The following ASPH variants were observed in gnomAD, a reference collection of about 807,000 sequenced individuals.
ASPH encodes aspartyl/asparaginyl beta-hydroxylase.
ASPH carries 100 observed loss-of-function variants against 118.4 expected under a neutral mutation model. The ratio of observed to expected loss-of-function variants is 0.84; its 90% CI spans 0.72 to 1.00. The LOEUF is 1.00. Ranked by LOEUF, ASPH falls within the 50% of genes least tolerant of loss-of-function variation. ASPH has a pLI of 0.00. For missense variants in ASPH, 920 were observed against 919.5 expected, an observed-to-expected ratio of 1.00 and a Z score of -0.01; for synonymous variants, 315 against 325.6, an observed-to-expected ratio of 0.97 and a Z score of 0.35.
intron 15 of ASPH, chr8:61,579,785 T>C: frequency 5.3e-6 from 4 of 755,978 alleles, no homozygotes; most frequent in Non-Finnish European, 9.4e-6. Context: ...GGCTCAGCCC[T>C]AGCCCTCAGC....
intron 14 of ASPH, among the ~76,000 whole-genome samples, chr8:61,611,940 T>A (rs925319887): frequency 6.6e-6 from 1 of 151,856 alleles, no homozygotes; most frequent in African/African-American, 2.4e-5. Context: ...AATTCCAAAG[T>A]TGATATAACA....
At chr8:61,503,649 G>A in intron 24 of ASPH, 140 bp from the exon 25 acceptor site, 1 of 760,930 alleles carries the variant, frequency 1.3e-6, no homozygotes, top group South Asian at 2.5e-5. Flanking sequence ...TCAAGCCCAA[G>A]TTTATTCTTC....
chr8:61,518,637 A>G (rs886374267), intron 22 of ASPH, among the ~76,000 whole-genome samples: 1 of 152,254 alleles, frequency 6.6e-6, no homozygotes, highest in Non-Finnish European at 1.5e-5. Flanking sequence ...TAAGAAAATA[A>G]TAAGGAAGAG....
At chr8:61,701,576 T>A (rs1314422499) in intron 1 of ASPH, among the ~76,000 whole-genome samples, 1 of 152,250 alleles carries the variant, frequency 6.6e-6, no homozygotes, top group African/African-American at 2.4e-5. Flanking sequence ...CATTGGGCTA[T>A]GTTTGGATCC....
At chr8:61,683,654 G>A (rs1829244480) in intron 2 of ASPH, 1 of 158,220 alleles carries the variant, frequency 6.3e-6, no homozygotes, top group Non-Finnish European at 1.4e-5. Context: ...CATATTGTGT[G>A]GTTATGATCC....
chr8:61,502,006 A>G lies in ASPH; in HGVS notation c.*1353T>C, dbSNP rs1056107256. The G allele has an allele frequency of 3.3e-5, 5 of 152,194 alleles. No homozygotes were observed. Among genetic ancestry groups the G allele is most frequent in the African/African-American group, 1.2e-4 (5 of 41,458 alleles). 9.4% of individuals were successfully genotyped at this position (152,194 alleles called of 1,614,324 possible). A position where few individuals can be genotyped will look rare whatever the true frequency, so the allele number is the denominator to read the frequency against. On this transcript the variant is annotated 3_prime_UTR_variant, in exon 25 of 25. Transcript: ENST00000379454. ...TGCATGAATATCATTACATTCTTAT[A>G]TCTAACATTCCTAGTTAGCTTTGAT...
chr8:61,714,184 G>T, intron 1 of ASPH, 85 bp downstream of exon 1: 3 of 1,345,306 alleles, frequency 2.2e-6, no homozygotes, highest in Non-Finnish European at 2.9e-6. Context: ...GGGACCTGGG[G>T]AGATGCACCC....
At chr8:61,528,008 T>C (rs957939158) in intron 21 of ASPH, among the ~76,000 whole-genome samples, 1 of 152,220 alleles carries the variant, frequency 6.6e-6, no homozygotes, top group Non-Finnish European at 1.5e-5. Flanking sequence ...GTTCTGCTTT[T>C]AACTTTTGAG....
intron 14 of ASPH, among the ~76,000 whole-genome samples, chr8:61,618,573 T>C (rs1372716823): frequency 6.6e-6 from 1 of 152,226 alleles, no homozygotes; most frequent in African/African-American, 2.4e-5. Flanking sequence ...TGATATTTAA[T>C]ATATCCTAAG....
intron 14 of ASPH, among the ~76,000 whole-genome samples, chr8:61,618,593 T>C (rs962698153): frequency 6.6e-6 from 1 of 152,244 alleles, no homozygotes; most frequent in Non-Finnish European, 1.5e-5. Context: ...GTGCTTTCTA[T>C]GTTAGCTATT....
intron 21 of ASPH, among the ~76,000 whole-genome samples, chr8:61,541,971 G>C (rs1202263735): frequency 6.6e-6 from 1 of 152,194 alleles, no homozygotes; most frequent in Non-Finnish European, 1.5e-5. Context: ...CAGTAGTGGG[G>C]TACTGGCAAG....
intron 14 of ASPH, among the ~76,000 whole-genome samples, chr8:61,603,474 A>G (rs984296400): frequency 6.6e-6 from 1 of 152,190 alleles, no homozygotes; most frequent in African/African-American, 2.4e-5. Flanking sequence ...AAGGGCCAAA[A>G]TCATTTTAGG....
At chr8:61,583,750 C>A (rs1751766447) in intron 15 of ASPH, among the ~76,000 whole-genome samples, 194 bp downstream of exon 15, 2 of 152,040 alleles carry the variant, frequency 1.3e-5, no homozygotes, top group Admixed American at 6.6e-5. Context: ...AGTTCTATTT[C>A]TCTTTGGCCA....
At chr8:61,566,332 G>T (rs1831665919) in intron 17 of ASPH, among the ~76,000 whole-genome samples, 1 of 152,170 alleles carries the variant, frequency 6.6e-6, no homozygotes, top group South Asian at 2.1e-4. Context: ...GGATCCTAAA[G>T]ATGTGACTGA....
chr8:61,571,575 T>A (rs926017459), intron 16 of ASPH, among the ~76,000 whole-genome samples: 4 of 152,222 alleles, frequency 2.6e-5, no homozygotes, highest in Non-Finnish European at 5.9e-5. Context: ...TGTTATTTTT[T>A]ATTTTTTTTC....
chr8:61,508,673 A>G (rs1807598070), intron 24 of ASPH, among the ~76,000 whole-genome samples: 1 of 152,248 alleles, frequency 6.6e-6, no homozygotes, highest in Non-Finnish European at 1.5e-5. Context: ...AAACAGGTTC[A>G]GATGTCTGCA....
intron 17 of ASPH, among the ~76,000 whole-genome samples, chr8:61,566,261 AGACTTC>A (rs966340029): frequency 4.5e-4 from 69 of 152,344 alleles, no homozygotes; most frequent in African/African-American, 1.5e-3. Flanking sequence ...GAGGGGTTCA[AGACTTC>A]AGTGGAGGAA....
chr8:61,571,828 G>A (rs1833565447), intron 16 of ASPH, among the ~76,000 whole-genome samples: 2 of 152,156 alleles, frequency 1.3e-5, no homozygotes, highest in South Asian at 2.1e-4. Context: ...TTAATGAAAT[G>A]ACTTAATACT....
At chr8:61,709,609 C>A (rs1350736116) in intron 1 of ASPH, among the ~76,000 whole-genome samples, 2 of 152,168 alleles carry the variant, frequency 1.3e-5, no homozygotes, top group African/African-American at 2.4e-5. Context: ...GTTATATGTA[C>A]ATACAGGGTT....
Sources: allele counts gnomAD v4.1 joint callset (sites outside exome capture counted in the v4.1 genomes callset), GRCh38; gene constraint gnomAD v4.1.1; transcripts MANE v1.5; gene names NCBI Gene and HGNC (gene_info 2026-07-23, HGNC 2026-07-21).